The following RALGPS1 variants were observed in gnomAD, a reference collection of about 807,000 sequenced individuals.
RALGPS1 encodes the protein ras-specific guanine nucleotide-releasing factor RalGPS1.
RALGPS1 carries 19 observed loss-of-function variants against 78.8 expected under a neutral mutation model. The observed-to-expected ratio is 0.24, with a 90% CI of 0.17 to 0.35. RALGPS1 has a LOEUF of 0.35. RALGPS1 is among the 10% of genes least tolerant of loss of function. RALGPS1 has a pLI of 1.00. For synonymous variants in RALGPS1, 228 were observed against 256.3 expected (o/e 0.89, Z 1.06); for missense variants, 454 against 688.3 (o/e 0.66, Z 3.81).
rs144040537 is a variant in RALGPS1, at chr9:127,202,274, A to G, written c.1247+3208A>G. Among the ~76,000 whole-genome samples the G allele has an allele frequency of 7.0e-3, 1,070 of 152,220 alleles. 7 individuals carry two copies. Among genetic ancestry groups the G allele is most frequent in the Non-Finnish European group, 8.7e-3 (592 of 67,998 alleles). ...TGTCAGCAGGCAGGCAGGAGTTTCTATTGTCTGGCCAGGGGTGAGACTCTG... is the reference window on the plus strand; with the variant it reads ...TGTCAGCAGGCAGGCAGGAGTTTCTGTTGTCTGGCCAGGGGTGAGACTCTG... On this transcript the variant is annotated intron_variant, in intron 14 of 18. Transcript: ENST00000259351.
intron 4 of RALGPS1, among the ~76,000 whole-genome samples, chr9:127,015,796 A>G (rs1376072495): frequency 6.6e-6 from 1 of 151,816 alleles, no homozygotes; most frequent in East Asian, 1.9e-4. Context: ...TCTTCTCCCA[A>G]GTTCTTCTCC....
At chr9:127,178,257 C>CT (rs2059997795) in intron 11 of RALGPS1, 1 of 365,656 alleles carries the variant, frequency 2.7e-6, no homozygotes, top group Admixed American at 3.8e-5. Flanking sequence ...CAATAGAAAG[C>CT]TGGGGGCAAG....
intron 1 of RALGPS1, among the ~76,000 whole-genome samples, chr9:126,945,030 G>A (rs781444520): frequency 1.3e-5 from 2 of 152,106 alleles, no homozygotes; most frequent in Admixed American, 6.5e-5. Context: ...GGCACTCCCC[G>A]TGGACATGAG....
chr9:127,101,536 C>T (rs1004162974), intron 8 of RALGPS1, among the ~76,000 whole-genome samples: 5 of 152,224 alleles, frequency 3.3e-5, no homozygotes, highest in Non-Finnish European at 7.3e-5. Flanking sequence ...TCCTGAGCTG[C>T]ATCCCCTTTG....
chr9:126,960,217 C>CT (rs2038764946), intron 1 of RALGPS1, among the ~76,000 whole-genome samples: 3 of 67,258 alleles, frequency 4.5e-5, no homozygotes, highest in Non-Finnish European at 6.5e-5. Flanking sequence ...CCCTCCCTCC[C>CT]TCCCTTCCTT....
intron 8 of RALGPS1, among the ~76,000 whole-genome samples, chr9:127,125,870 A>G (rs2056576797): frequency 6.6e-6 from 1 of 152,234 alleles, no homozygotes; most frequent in African/African-American, 2.4e-5. Flanking sequence ...TAGAATACAA[A>G]GATTCTTCAT....
intron 8 of RALGPS1, among the ~76,000 whole-genome samples, chr9:127,099,608 C>T (rs1350986508): frequency 6.6e-6 from 1 of 152,240 alleles, no homozygotes; most frequent in Non-Finnish European, 1.5e-5. Flanking sequence ...GGGGTGGCTA[C>T]AGTGAGAAGC....
intron 7 of RALGPS1, among the ~76,000 whole-genome samples, chr9:127,059,007 G>C (rs1348696777): frequency 7.2e-5 from 11 of 152,186 alleles, no homozygotes; most frequent in Admixed American, 7.2e-4. Context: ...TATCCTGGGA[G>C]TGGGGCTCTT....
rs2787592 is a variant in RALGPS1, at chr9:127,088,124, G to A, written c.610+18768G>A. 943 of 152,630 alleles carry A rather than the reference G, an allele frequency of 6.2e-3. 4 individuals are homozygous for A. The highest frequency in any genetic ancestry group is 0.01 in the Non-Finnish European group (695 of 68,060). 9.5% of individuals were successfully genotyped at this position (152,630 alleles called of 1,614,324 possible). A position where few individuals can be genotyped will look rare whatever the true frequency, so the allele number is the denominator to read the frequency against. ...AGGAGTACAGCAGAGCGGAAAGGGG[G>A]CCTTGAACTGCAGTGAGTGGCCAGG... On this transcript the variant is annotated intron_variant, in intron 8 of 18. Coordinates refer to ENST00000259351, the MANE Select transcript of RALGPS1 (RefSeq NM_014636.3).
chr9:126,965,097 A>G (rs2039342874), intron 2 of RALGPS1, among the ~76,000 whole-genome samples: 1 of 152,214 alleles, frequency 6.6e-6, no homozygotes, highest in South Asian at 2.1e-4. Context: ...GAAATCAGCC[A>G]CATTTGAGGA....
intron 4 of RALGPS1, 116 bp from the exon 5 acceptor site, chr9:127,034,301 GTAAAGATGGGAACA>G: frequency 1.3e-6 from 1 of 771,602 alleles, no homozygotes; most frequent in Non-Finnish European, 2.3e-6. Context: ...CTTCCACCTA[GTAAAGATGGGAACA>G]GCCAAGGTGT....
chr9:127,088,964 C>T lies in RALGPS1; in HGVS notation c.610+19608C>T, dbSNP rs553905166. On this transcript the variant is annotated intron_variant, in intron 8 of 18. Coordinates refer to ENST00000259351, the MANE Select transcript of RALGPS1 (RefSeq NM_014636.3). ...TTAGTGGAAGGTGTTGGGGTTCGGT[C>T]GGATCATCATCACCACTTTCTTGAG... 3.4e-4 allele frequency: 551 copies of T among 1,614,142 alleles called. 3 individuals are homozygous for T. In the South Asian group the frequency reaches 5.6e-3, roughly 16 times the overall value.
intron 4 of RALGPS1, among the ~76,000 whole-genome samples, chr9:127,019,530 T>C (rs1444179922): frequency 6.6e-6 from 1 of 152,156 alleles, no homozygotes; most frequent in East Asian, 1.9e-4. Flanking sequence ...GGTTTCACCA[T>C]GTTAGTCAGG....
At chr9:126,944,392 G>C (rs1186325568) in intron 1 of RALGPS1, among the ~76,000 whole-genome samples, 2 of 151,596 alleles carry the variant, frequency 1.3e-5, no homozygotes, top group Non-Finnish European at 2.9e-5. Flanking sequence ...AGGAGGTCAA[G>C]ACCCCCTGCT....
At chr9:126,935,446 T>C (rs189365872) in intron 1 of RALGPS1, among the ~76,000 whole-genome samples, 84 of 152,260 alleles carry the variant, frequency 5.5e-4, no homozygotes, top group African/African-American at 2.0e-3. Context: ...TCAGTTTAGG[T>C]AGGAACAGCC....
intron 1 of RALGPS1, among the ~76,000 whole-genome samples, chr9:126,934,160 C>T (rs909222438): frequency 7.9e-5 from 12 of 151,944 alleles, no homozygotes; most frequent in African/African-American, 1.4e-4. Flanking sequence ...AATGTGGATG[C>T]GTGGGAAAAG....
At chr9:127,199,113 G>GT in intron 14 of RALGPS1, 47 bp downstream of exon 14, 1 of 1,576,596 alleles carries the variant, frequency 6.3e-7, no homozygotes, top group Non-Finnish European at 8.7e-7. Flanking sequence ...CGGTGCTCAG[G>GT]GCTGAGGGAG....
intron 11 of RALGPS1, among the ~76,000 whole-genome samples, chr9:127,180,187 G>A (rs550272562): frequency 6.6e-6 from 1 of 152,316 alleles, no homozygotes; most frequent in Non-Finnish European, 1.5e-5. Context: ...CCCAGAGAGG[G>A]CAAGTAATGT....
intron 11 of RALGPS1, among the ~76,000 whole-genome samples, chr9:127,188,426 CCACAAACCTTTCCTTTAGAGT>C (rs1303630804): frequency 6.6e-6 from 1 of 152,090 alleles, no homozygotes; most frequent in Non-Finnish European, 1.5e-5. Context: ...GAAGTCTAAG[CCACAAACCTTTCCTTTAGAGT>C]CATGCCTCTC....
Sources: gnomAD v4.1 joint callset for allele counts (sites outside exome capture counted in the v4.1 genomes callset) on GRCh38, gnomAD v4.1.1 for gene constraint, MANE v1.5 for transcripts, NCBI Gene and HGNC (gene_info 2026-07-23, HGNC 2026-07-21) for gene names.